KCNQ3: variants seen among roughly 807,000 people sequenced by gnomAD.
The protein encoded by KCNQ3 is potassium voltage-gated channel subfamily Q member 3.
A neutral mutation model predicts 92.5 loss-of-function variants in KCNQ3; 30 were observed. The observed-to-expected ratio is 0.32, with a 90% confidence interval of 0.24 to 0.44. The LOEUF (loss-of-function observed/expected upper bound fraction) is 0.44. Among genes scored for constraint, KCNQ3 ranks in the 20% least tolerant of loss-of-function variants. KCNQ3 has a pLI of 1.00. For missense variants in KCNQ3, 913 were observed against 1,140.3 expected (o/e 0.80, Z 2.87); for synonymous variants, 450 against 468.8 (o/e 0.96, Z 0.52).
chr8:132,141,946 TC>T (rs1469487887), intron 9 of KCNQ3, among the ~76,000 whole-genome samples: 1 of 152,194 alleles, frequency 6.6e-6, no homozygotes, highest in African/African-American at 2.4e-5. Flanking sequence ...TCCAGTAATA[TC>T]CTAAATGCCT....
At chr8:132,284,579 C>T (rs952920554) in intron 1 of KCNQ3, among the ~76,000 whole-genome samples, 1 of 152,030 alleles carries the variant, frequency 6.6e-6, no homozygotes, top group African/African-American at 2.4e-5. Context: ...GGGTTACCAG[C>T]CCAAAACAAG....
chr8:132,179,666 A>C (rs1194592130), intron 4 of KCNQ3, among the ~76,000 whole-genome samples: 3 of 152,152 alleles, frequency 2.0e-5, no homozygotes, highest in Non-Finnish European at 4.4e-5. Flanking sequence ...TATGAAGTCA[A>C]TGCATTATTA....
intron 1 of KCNQ3, among the ~76,000 whole-genome samples, chr8:132,329,721 TTA>T (rs1818175071): frequency 2.0e-5 from 3 of 152,334 alleles, no homozygotes. Context: ...TCTGCTCTTG[TTA>T]TCTCTCTAGC....
At chr8:132,173,093 G>A (rs1342984534) in intron 6 of KCNQ3, among the ~76,000 whole-genome samples, 1 of 152,236 alleles carries the variant, frequency 6.6e-6, no homozygotes, top group African/African-American at 2.4e-5. Context: ...TAGATGCCCA[G>A]TAATGTTAAC....
At chr8:132,420,837 C>T (rs181230622) in intron 1 of KCNQ3, among the ~76,000 whole-genome samples, 3 of 152,168 alleles carry the variant, frequency 2.0e-5, no homozygotes, top group Admixed American at 6.5e-5. Context: ...GGAAGCACTG[C>T]ACAGAGGGCC....
intron 1 of KCNQ3, among the ~76,000 whole-genome samples, chr8:132,472,357 C>A (rs1822317353): frequency 6.6e-6 from 1 of 152,130 alleles, no homozygotes. Flanking sequence ...AGGAATCAAC[C>A]AAAGGATCTA....
intron 1 of KCNQ3, among the ~76,000 whole-genome samples, chr8:132,288,022 C>T (rs1348898038): frequency 6.6e-6 from 1 of 152,150 alleles, no homozygotes; most frequent in Non-Finnish European, 1.5e-5. Flanking sequence ...CTCTAGAAAC[C>T]ATGATTTTGT....
chr8:132,133,802 G>A (rs1253688401), intron 13 of KCNQ3, among the ~76,000 whole-genome samples: 1 of 152,190 alleles, frequency 6.6e-6, no homozygotes, highest in African/African-American at 2.4e-5. Flanking sequence ...TCAAAATTTT[G>A]AAGCTTTGGA....
At chr8:132,155,772 A>G (rs1825781999) in intron 9 of KCNQ3, among the ~76,000 whole-genome samples, 1 of 152,194 alleles carries the variant, frequency 6.6e-6, no homozygotes, top group African/African-American at 2.4e-5. Flanking sequence ...TTCTAGAGAT[A>G]AGGGACCTTG....
At chr8:132,316,545 C>T (rs1586921110) in intron 1 of KCNQ3, among the ~76,000 whole-genome samples, 1 of 152,212 alleles carries the variant, frequency 6.6e-6, no homozygotes, top group South Asian at 2.1e-4. Flanking sequence ...TGGAGAAGTA[C>T]TAGCACAGCA....
chr8:132,242,310 C>T (rs1433103320), intron 1 of KCNQ3, among the ~76,000 whole-genome samples: 1 of 152,272 alleles, frequency 6.6e-6, no homozygotes, highest in African/African-American at 2.4e-5. Context: ...GGGTAGAAGG[C>T]AACCCTGTGT....
chr8:132,154,200 T>A (rs916528721), intron 9 of KCNQ3, among the ~76,000 whole-genome samples: 2 of 69,390 alleles, frequency 2.9e-5, no homozygotes, highest in African/African-American at 1.7e-4. Context: ...AAAGTTTTTT[T>A]TTTTTTTTTT....
chr8:132,400,317 C>T (rs950020671), intron 1 of KCNQ3, among the ~76,000 whole-genome samples: 3 of 152,232 alleles, frequency 2.0e-5, no homozygotes, highest in Non-Finnish European at 2.9e-5. Flanking sequence ...CATTTAACCA[C>T]GATCCGATTT....
chr8:132,329,495 A>AT (rs34935916), intron 1 of KCNQ3, among the ~76,000 whole-genome samples: 63,255 of 151,984 alleles, frequency 0.42, 13,713 homozygotes, highest in Non-Finnish European at 0.49. Flanking sequence ...ATAAACCTTC[A>AT]TTGCCATCAA....
rs577880932 is a variant in KCNQ3, at chr8:132,365,889, G to C, written c.386+114258C>G. 3.3e-5 allele frequency among the ~76,000 whole-genome samples: 5 copies of C among 152,294 alleles called. No individual in the cohort carries two copies. The South Asian group carries it at 8.3e-4, about 25-fold the overall frequency. Reference sequence around the variant, plus strand: ...TACCAAAAATACAAAAATTAGCTGGGTGTGGTAGAGCATGCCTGTAAGTCC... The same window carrying C: ...TACCAAAAATACAAAAATTAGCTGGCTGTGGTAGAGCATGCCTGTAAGTCC... On this transcript the variant is annotated intron_variant, in intron 1 of 14. Coordinates refer to ENST00000388996, the MANE Select transcript of KCNQ3 (RefSeq NM_004519.4).
intron 4 of KCNQ3, among the ~76,000 whole-genome samples, chr8:132,178,016 C>T (rs117728422): frequency 0.01 from 1,568 of 152,326 alleles, 12 homozygotes; most frequent in Middle Eastern, 0.02. Context: ...TTGTGCAAAT[C>T]CATATATACT....
At chr8:132,275,518 C>T (rs1816295131) in intron 1 of KCNQ3, among the ~76,000 whole-genome samples, 2 of 151,950 alleles carry the variant, frequency 1.3e-5, no homozygotes, top group African/African-American at 4.8e-5. Flanking sequence ...GTCATTTGCC[C>T]CACCCTAGAG....
At chr8:132,144,241 C>A (rs954497105) in intron 9 of KCNQ3, among the ~76,000 whole-genome samples, 1 of 152,194 alleles carries the variant, frequency 6.6e-6, no homozygotes, top group Non-Finnish European at 1.5e-5. Context: ...TCAGAAGTCT[C>A]GGCTCAGAAT....
chr8:132,367,027 G>C (rs1819341855), intron 1 of KCNQ3, among the ~76,000 whole-genome samples: 1 of 152,156 alleles, frequency 6.6e-6, no homozygotes, highest in Non-Finnish European at 1.5e-5. Flanking sequence ...AAATGAGCAA[G>C]AATTAGCCAG....
Sources: gnomAD v4.1 joint callset for allele counts (sites outside exome capture counted in the v4.1 genomes callset) on GRCh38, gnomAD v4.1.1 for gene constraint, MANE v1.5 for transcripts, NCBI Gene and HGNC (gene_info 2026-07-23, HGNC 2026-07-21) for gene names.